The following PLEKHM3 variants were observed in gnomAD, a reference collection of about 807,000 sequenced individuals.
The protein encoded by PLEKHM3 is pleckstrin homology domain-containing family M member 3.
In PLEKHM3, 45 loss-of-function variants were observed where a neutral mutation model predicts 81.8. That is an observed-to-expected ratio of 0.55 (90% CI 0.43 to 0.71). The LOEUF is 0.71. Ranked by LOEUF, PLEKHM3 falls within the 30% of genes least tolerant of loss-of-function variation. PLEKHM3 has a pLI of 0.00. For synonymous variants in PLEKHM3, 352 were observed against 356.4 expected (o/e 0.99, Z 0.14); for missense variants, 788 against 924.3 (o/e 0.85, Z 1.91).
rs190911962 is a variant in PLEKHM3, at chr2:207,916,899, C to A, written c.1887-8322G>T. Among the ~76,000 whole-genome samples, 246 of 152,126 alleles carry A rather than the reference C, an allele frequency of 1.6e-3. 1 individual carries two copies. Among genetic ancestry groups the A allele is most frequent in the African/African-American group, 5.6e-3 (232 of 41,500 alleles). On this transcript the variant is annotated intron_variant, in intron 5 of 7. Coordinates refer to ENST00000427836, the MANE Select transcript of PLEKHM3 (RefSeq NM_001080475.3). The stretch of plus-strand genomic sequence containing the variant: ...TTTAGTAAAATTAATATATAACTTC[C>A]CAGAATTCCTTTTGAAACTTTTCAA...
At chr2:207,935,466 G>A (rs1251984248) in intron 4 of PLEKHM3, among the ~76,000 whole-genome samples, 1 of 152,224 alleles carries the variant, frequency 6.6e-6, no homozygotes, top group African/African-American at 2.4e-5. Flanking sequence ...TGAGTTTGCT[G>A]AGCTGTGTTC....
At chr2:207,953,455 A>G (rs566951165) in intron 3 of PLEKHM3, among the ~76,000 whole-genome samples, 4 of 152,272 alleles carry the variant, frequency 2.6e-5, no homozygotes, top group African/African-American at 9.6e-5. Context: ...GAGAGATTAT[A>G]TATGAGAAAT....
At chr2:207,846,467 C>T (rs2092383759) in intron 7 of PLEKHM3, among the ~76,000 whole-genome samples, 1 of 151,870 alleles carries the variant, frequency 6.6e-6, no homozygotes, top group Non-Finnish European at 1.5e-5. Flanking sequence ...ACTGGCCTGC[C>T]TGTGTTTATT....
intron 1 of PLEKHM3, 67 bp from the exon 2 acceptor site, chr2:208,002,024 C>T (rs886579215): frequency 1.0e-5 from 2 of 192,934 alleles, no homozygotes; most frequent in South Asian, 2.2e-4. Context: ...ACAAGTCTGC[C>T]GAATTGCTTT....
In PLEKHM3 at chr2:207,889,434, AACACACAC is replaced by A. The variant is rs35082335; in HGVS notation, c.1950+19072_1950+19079del. 4.7e-3 allele frequency among the ~76,000 whole-genome samples: 611 copies of A among 129,228 alleles called. 12 individuals are homozygous for A. Among genetic ancestry groups the A allele is most frequent in the African/African-American group, 0.016 (539 of 34,410 alleles). 84.8% of individuals were successfully genotyped at this position (129,228 alleles called of 152,430 possible). ...TAAGAGCAGACAGGAGGTTTTTTTC[AACACACAC>A]ACACACACACACACACACACACACA... On this transcript the variant is annotated intron_variant, in intron 6 of 7. Coordinates refer to ENST00000427836, the MANE Select transcript of PLEKHM3 (RefSeq NM_001080475.3).
chr2:207,943,664 C>G (rs551872075), intron 4 of PLEKHM3, among the ~76,000 whole-genome samples: 3 of 151,854 alleles, frequency 2.0e-5, no homozygotes, highest in African/African-American at 7.2e-5. Context: ...GTCAGGAGAT[C>G]GAGACCATCC....
chr2:207,884,340 C>A (rs934918989), intron 6 of PLEKHM3, among the ~76,000 whole-genome samples: 1 of 151,832 alleles, frequency 6.6e-6, no homozygotes, highest in Non-Finnish European at 1.5e-5. Flanking sequence ...CTAGCCAGGG[C>A]AATCATGCAA....
intron 6 of PLEKHM3, among the ~76,000 whole-genome samples, chr2:207,888,543 C>T (rs58773013): frequency 0.24 from 36,766 of 151,950 alleles, 4,547 homozygotes; most frequent in Middle Eastern, 0.33. Flanking sequence ...ATTACAGGCG[C>T]CCGCCACCAA....
At chr2:207,940,394 A>T (rs1256995732) in intron 4 of PLEKHM3, among the ~76,000 whole-genome samples, 1 of 152,232 alleles carries the variant, frequency 6.6e-6, no homozygotes, top group Non-Finnish European at 1.5e-5. Flanking sequence ...ATCATGACAC[A>T]TGCATTAACC....
intron 5 of PLEKHM3, among the ~76,000 whole-genome samples, chr2:207,924,960 C>T (rs1009799794): frequency 6.6e-6 from 1 of 152,012 alleles, no homozygotes; most frequent in Non-Finnish European, 1.5e-5. Context: ...TGGTGACCAA[C>T]AATGCCCAGG....
rs911766782 is a variant in PLEKHM3, at chr2:208,019,174, C to T, written c.-319+6215G>A. ...ATTTAAAGTTAACCAGGCATGGGGG[C>T]GTGAACCTATAGTCCTAGCTATGCA... On this transcript the variant is annotated intron_variant, in intron 1 of 7. Coordinates refer to ENST00000427836, the MANE Select transcript of PLEKHM3 (RefSeq NM_001080475.3). Among the ~76,000 whole-genome samples, 3 of 151,944 alleles carry T rather than the reference C, an allele frequency of 2.0e-5. No individual in the cohort carries two copies. The East Asian group carries it at 5.8e-4, about 29-fold the overall frequency.
At chr2:208,015,395 T>C (rs1692870315) in intron 1 of PLEKHM3, among the ~76,000 whole-genome samples, 1 of 152,212 alleles carries the variant, frequency 6.6e-6, no homozygotes, top group South Asian at 2.1e-4. Context: ...TTTCAAAATC[T>C]GTTTGTTAAT....
At chr2:207,880,790 CAAAAAAACAAACAAACAA>C (rs2092586737) in intron 6 of PLEKHM3, among the ~76,000 whole-genome samples, 16 of 33,556 alleles carry the variant, frequency 4.8e-4, no homozygotes, top group East Asian at 1.9e-3. Flanking sequence ...AAAAAAAAAC[CAAAAAAACAAACAAACAA>C]AAAAAAACAA....
chr2:207,868,716 A>ATTCC (rs2092516216), intron 6 of PLEKHM3: 1 of 152,228 alleles, frequency 6.6e-6, no homozygotes, highest in African/African-American at 2.4e-5. Context: ...ATTTAGACTC[A>ATTCC]TTCCTCCTTT....
intron 5 of PLEKHM3, among the ~76,000 whole-genome samples, chr2:207,918,467 A>C (rs886787557): frequency 6.6e-6 from 1 of 152,202 alleles, no homozygotes; most frequent in Non-Finnish European, 1.5e-5. Context: ...GCTTGCAGTG[A>C]GCCGAGATTG....
chr2:207,880,297 C>A lies in PLEKHM3; in HGVS notation c.1951-19035G>T, dbSNP rs185283539. Among the ~76,000 whole-genome samples the A allele has an allele frequency of 3.8e-3, 583 of 152,020 alleles. 8 individuals carry two copies. The highest frequency in any genetic ancestry group is 0.012 in the African/African-American group (486 of 41,450). On this transcript the variant is annotated intron_variant, in intron 6 of 7. Coordinates refer to ENST00000427836, the MANE Select transcript of PLEKHM3 (RefSeq NM_001080475.3). ...TGGCATGTGCCTATAATCCCAGCTACTGGGGAGGCTGAGGCACAGGAATCA... is the reference window on the plus strand; with the variant it reads ...TGGCATGTGCCTATAATCCCAGCTAATGGGGAGGCTGAGGCACAGGAATCA...
At chr2:207,844,303 C>CTT (rs377510756) in intron 7 of PLEKHM3, among the ~76,000 whole-genome samples, 1 of 125,056 alleles carries the variant, frequency 8.0e-6, no homozygotes, top group African/African-American at 2.9e-5. Context: ...ATTTATTTTT[C>CTT]TTTTTTTTTT....
At chr2:207,862,944 G>C (rs551169106) in intron 6 of PLEKHM3, among the ~76,000 whole-genome samples, 2 of 152,296 alleles carry the variant, frequency 1.3e-5, no homozygotes, top group African/African-American at 2.4e-5. Context: ...TCCAAGCCAA[G>C]GCTAGGCTTT....
intron 6 of PLEKHM3, among the ~76,000 whole-genome samples, chr2:207,866,539 A>C (rs1451174482): frequency 6.6e-6 from 1 of 152,220 alleles, no homozygotes; most frequent in Non-Finnish European, 1.5e-5. Flanking sequence ...CCAGACACTC[A>C]ATGTAGAGTG....
Sources: allele counts gnomAD v4.1 joint callset (sites outside exome capture counted in the v4.1 genomes callset), GRCh38; gene constraint gnomAD v4.1.1; transcripts MANE v1.5; gene names NCBI Gene and HGNC (gene_info 2026-07-23, HGNC 2026-07-21).